CFDP1: variants seen among roughly 807,000 people sequenced by gnomAD.
The protein encoded by CFDP1 is heterochromatin-stabilizing protein CFDP1.
In CFDP1, 31 loss-of-function variants were observed where a neutral mutation model predicts 40.1. The observed-to-expected ratio is 0.77, with a 90% CI of 0.58 to 1.04. The LOEUF is 1.04. Among genes scored for constraint, CFDP1 ranks in the 50% least tolerant of loss-of-function variants. CFDP1 has a pLI of 0.00. For synonymous variants in CFDP1, 167 were observed against 120.0 expected (o/e 1.39, Z -2.56); for missense variants, 423 against 343.4 (o/e 1.23, Z -1.83).
chr16:75,387,998 GGAGA>G (rs1158301824), intron 5 of CFDP1, among the ~76,000 whole-genome samples: 1 of 152,204 alleles, frequency 6.6e-6, no homozygotes, highest in East Asian at 1.9e-4. Flanking sequence ...ATGAAATTGA[GGAGA>G]GACTCTTTTA....
chr16:75,417,528 G>A (rs184205953), intron 1 of CFDP1, among the ~76,000 whole-genome samples: 290 of 152,196 alleles, frequency 1.9e-3, no homozygotes, highest in African/African-American at 6.8e-3. Context: ...GAAGAATTAA[G>A]AATATGCTTA....
intron 5 of CFDP1, among the ~76,000 whole-genome samples, chr16:75,359,702 G>A (rs555128211): frequency 1.3e-5 from 2 of 152,158 alleles, no homozygotes; most frequent in African/African-American, 4.8e-5. Context: ...CTATTTTCCA[G>A]GATAACAACC....
At chr16:75,331,311 C>T (rs1398105612) in intron 5 of CFDP1, among the ~76,000 whole-genome samples, 2 of 152,170 alleles carry the variant, frequency 1.3e-5, no homozygotes, top group Non-Finnish European at 2.9e-5. Context: ...GAGACAGAGT[C>T]TTGCTATGTT....
chr16:75,354,108 T>A lies in CFDP1; in HGVS notation c.650+40982A>T, dbSNP rs1312500656. 2.6e-5 allele frequency among the ~76,000 whole-genome samples: 4 copies of A among 152,240 alleles called. No homozygotes were observed. The South Asian group carries it at 8.3e-4, about 32-fold the overall frequency. ...AAATTACATAAGATATTCAACACTT[T>A]ATTATAAAATAGACTTTGTGTTACA... On this transcript the variant is annotated intron_variant, in intron 5 of 6. Coordinates refer to ENST00000283882, the MANE Select transcript of CFDP1 (RefSeq NM_006324.3).
At chr16:75,404,427 T>C (rs1214475370) in intron 4 of CFDP1, among the ~76,000 whole-genome samples, 1 of 151,862 alleles carries the variant, frequency 6.6e-6, no homozygotes, top group African/African-American at 2.4e-5. Flanking sequence ...TTCACCGTGT[T>C]AGCCAGGATG....
In CFDP1 at chr16:75,349,681, A is replaced by AT. The variant is rs60129404; in HGVS notation, c.651-44500_651-44499insA. ...AAAAAAAAAAAAAAAAAAAAAAAAA[A>AT]AAAAAAAAAATATATATACATACAT... On this transcript the variant is annotated intron_variant, in intron 5 of 6. Transcript: ENST00000283882. Among the ~76,000 whole-genome samples the AT allele has an allele frequency of 2.8e-3, 212 of 77,082 alleles. 13 individuals carry two copies. Among genetic ancestry groups the AT allele is most frequent in the Non-Finnish European group, 3.5e-3 (142 of 40,858 alleles). The allele number at this position is 77,082 out of a possible 152,430, so 50.6% of individuals were successfully genotyped here. A position where few individuals can be genotyped will look rare whatever the true frequency, so the allele number is the denominator to read the frequency against.
At chr16:75,370,298 G>A (rs1461881148) in intron 5 of CFDP1, among the ~76,000 whole-genome samples, 2 of 151,812 alleles carry the variant, frequency 1.3e-5, no homozygotes, top group Non-Finnish European at 2.9e-5. Context: ...TCGCCATGTT[G>A]GCCAGGCTGG....
At chr16:75,336,592 A>G (rs2078489293) in intron 5 of CFDP1, among the ~76,000 whole-genome samples, 1 of 152,212 alleles carries the variant, frequency 6.6e-6, no homozygotes, top group South Asian at 2.1e-4. Context: ...TTCTGCTCCT[A>G]GCTTTTTCAA....
At chr16:75,327,067 G>A (rs2078407177) in intron 5 of CFDP1, among the ~76,000 whole-genome samples, 2 of 152,122 alleles carry the variant, frequency 1.3e-5, no homozygotes, top group Non-Finnish European at 2.9e-5. Context: ...TCAGGAGATC[G>A]AGACCATCCT....
intron 5 of CFDP1, among the ~76,000 whole-genome samples, chr16:75,349,212 T>C (rs538918211): frequency 2.0e-5 from 3 of 152,174 alleles, no homozygotes; most frequent in South Asian, 4.2e-4. Flanking sequence ...TGCTAGTTTA[T>C]AGAAATACAG....
chr16:75,391,665 G>T (rs1020068539), intron 5 of CFDP1, among the ~76,000 whole-genome samples: 30 of 152,182 alleles, frequency 2.0e-4, no homozygotes, highest in African/African-American at 7.0e-4. Context: ...CGGCAGTCAA[G>T]AAAGTTTGAA....
intron 1 of CFDP1, among the ~76,000 whole-genome samples, chr16:75,425,109 G>A (rs1166235219): frequency 6.6e-6 from 1 of 151,846 alleles, no homozygotes; most frequent in African/African-American, 2.4e-5. Context: ...TGTATTCATA[G>A]ACTAAAATAT....
chr16:75,308,361 T>A (rs2078272133), intron 5 of CFDP1, among the ~76,000 whole-genome samples: 1 of 152,242 alleles, frequency 6.6e-6, no homozygotes. Flanking sequence ...ACCTGCTTCC[T>A]GGGATCACTT....
intron 5 of CFDP1, among the ~76,000 whole-genome samples, chr16:75,311,622 G>A (rs759022605): frequency 2.6e-5 from 4 of 152,178 alleles, no homozygotes; most frequent in Non-Finnish European, 5.9e-5. Context: ...ACTTCAACAC[G>A]TGAAGGCTGG....
At chr16:75,373,011 G>T (rs1039063515) in intron 5 of CFDP1, among the ~76,000 whole-genome samples, 2 of 152,174 alleles carry the variant, frequency 1.3e-5, no homozygotes, top group African/African-American at 4.8e-5. Flanking sequence ...CATGGAAGCA[G>T]ATCATACACT....
chr16:75,431,612 C>G (rs979025111), intron 1 of CFDP1, among the ~76,000 whole-genome samples: 4 of 152,112 alleles, frequency 2.6e-5, no homozygotes, highest in African/African-American at 9.7e-5. Context: ...GCACTCCAGC[C>G]TGAGCCACAG....
chr16:75,401,166 C>T (rs2079048996), intron 4 of CFDP1, among the ~76,000 whole-genome samples: 1 of 151,956 alleles, frequency 6.6e-6, no homozygotes, highest in Non-Finnish European at 1.5e-5. Context: ...CAGTGGCTCA[C>T]GCATGTAATC....
intron 5 of CFDP1, among the ~76,000 whole-genome samples, chr16:75,347,348 A>AG (rs2078574822): frequency 7.6e-6 from 1 of 132,380 alleles, no homozygotes; most frequent in East Asian, 2.0e-4. Flanking sequence ...CATCTCAAAA[A>AG]AAAAAAAAAA....
chr16:75,297,195 T>TGTG (rs1491320265), intron 6 of CFDP1, among the ~76,000 whole-genome samples: 7 of 150,022 alleles, frequency 4.7e-5, no homozygotes, highest in East Asian at 2.0e-4. Flanking sequence ...TGTGTGTGTG[T>TGTG]TTTTAGTAGA....
Sources: gnomAD v4.1 joint callset for allele counts (sites outside exome capture counted in the v4.1 genomes callset) on GRCh38, gnomAD v4.1.1 for gene constraint, MANE v1.5 for transcripts, NCBI Gene and HGNC (gene_info 2026-07-23, HGNC 2026-07-21) for gene names.